The following PRKN variants were observed in gnomAD, a reference collection of about 807,000 sequenced individuals.
PRKN encodes the protein parkin RBR E3 ubiquitin protein ligase, also known as E3 ubiquitin-protein ligase parkin.
A neutral mutation model predicts 59.5 loss-of-function variants in PRKN; 56 were observed. That is an observed-to-expected ratio of 0.94 (90% CI 0.76 to 1.18). The LOEUF (loss-of-function observed/expected upper bound fraction) is 1.18. PRKN is among the 50% of genes most tolerant of loss of function. The pLI is 0.00. For synonymous variants in PRKN, 250 were observed against 222.1 expected (o/e 1.13, Z -1.12); for missense variants, 657 against 596.4 (o/e 1.10, Z -1.06).
chr6:161,795,301 C>T (rs1790799755), intron 6 of PRKN, among the ~76,000 whole-genome samples: 1 of 149,244 alleles, frequency 6.7e-6, no homozygotes, highest in Admixed American at 6.7e-5. Flanking sequence ...GGCGCAATCT[C>T]GGCTCACTGT....
rs1782708640 is a variant in PRKN, at chr6:162,622,313, T to TG, written c.7+105348_7+105349insC. Among the ~76,000 whole-genome samples, 7 of 151,184 alleles carry TG rather than the reference T, an allele frequency of 4.6e-5. No individual in the cohort carries two copies. In the South Asian group the frequency reaches 1.5e-3, roughly 32 times the overall value. ...TCTGTTTTTTTTTTTGTTTTGTTTTTTTTTGGTAGCAGAGTCTCGCTCTGC... is the reference window on the plus strand; with the variant it reads ...TCTGTTTTTTTTTTTGTTTTGTTTTTGTTTTGGTAGCAGAGTCTCGCTCTGC... On this transcript the variant is annotated intron_variant, in intron 1 of 11. Coordinates refer to ENST00000366898, the MANE Select transcript of PRKN (RefSeq NM_004562.3).
intron 2 of PRKN, among the ~76,000 whole-genome samples, chr6:162,275,981 C>T (rs1780620244): frequency 6.6e-6 from 1 of 152,154 alleles, no homozygotes; most frequent in Admixed American, 6.5e-5. Context: ...GCTTTGAACA[C>T]TTTTTGTTCT....
chr6:161,638,941 C>A (rs898222441), intron 7 of PRKN, among the ~76,000 whole-genome samples: 3 of 151,914 alleles, frequency 2.0e-5, no homozygotes, highest in Middle Eastern at 3.4e-3. Context: ...GGGGTTTCAC[C>A]ATGTTGGCTG....
At chr6:162,263,407 C>G (rs1779984258) in intron 2 of PRKN, 1 of 164,198 alleles carries the variant, frequency 6.1e-6, no homozygotes, top group African/African-American at 2.4e-5. Flanking sequence ...CACACCGCTC[C>G]ACGGGCACCA....
At chr6:162,487,453 C>T (rs1792598570) in intron 1 of PRKN, among the ~76,000 whole-genome samples, 1 of 152,178 alleles carries the variant, frequency 6.6e-6, no homozygotes, top group Non-Finnish European at 1.5e-5. Context: ...TGGCAGGACA[C>T]ATTTGTGGTG....
intron 6 of PRKN, among the ~76,000 whole-genome samples, chr6:161,861,235 T>G (rs1583261491): frequency 6.6e-6 from 1 of 152,322 alleles, no homozygotes; most frequent in South Asian, 2.1e-4. Context: ...CATGGAATAC[T>G]ATGCAGCCAT....
At chr6:162,244,159 G>C (rs969583534) in intron 3 of PRKN, among the ~76,000 whole-genome samples, 1 of 152,082 alleles carries the variant, frequency 6.6e-6, no homozygotes, top group Non-Finnish European at 1.5e-5. Flanking sequence ...GCAGCTAAGT[G>C]GTTACGAATA....
At chr6:162,416,060 A>G (rs1788615904) in intron 2 of PRKN, among the ~76,000 whole-genome samples, 2 of 152,236 alleles carry the variant, frequency 1.3e-5, no homozygotes, top group Middle Eastern at 3.4e-3. Context: ...TGGCTCCACT[A>G]CTTTCCAATA....
intron 6 of PRKN, among the ~76,000 whole-genome samples, chr6:161,861,547 C>G (rs1793898688): frequency 6.7e-6 from 1 of 149,420 alleles, no homozygotes; most frequent in Non-Finnish European, 1.5e-5. Context: ...ACCTATGTAA[C>G]AAACCTGCAC....
chr6:161,967,666 A>G (rs1780632661), intron 6 of PRKN, among the ~76,000 whole-genome samples: 2 of 152,232 alleles, frequency 1.3e-5, no homozygotes, highest in South Asian at 4.1e-4. Context: ...TGACTGAGGC[A>G]GAAGGCTCCG....
At chr6:162,290,985 G>A (rs571540589) in intron 2 of PRKN, among the ~76,000 whole-genome samples, 5 of 152,264 alleles carry the variant, frequency 3.3e-5, no homozygotes, top group South Asian at 2.1e-4. Flanking sequence ...TATGTTCTCC[G>A]AAGTTCTGAG....
chr6:162,000,350 T>C (rs1407307767), intron 5 of PRKN, among the ~76,000 whole-genome samples: 1 of 152,090 alleles, frequency 6.6e-6, no homozygotes, highest in African/African-American at 2.4e-5. Context: ...AATAGATGTG[T>C]ACTGGTATCT....
At chr6:162,463,871 T>C (rs926123349) in intron 1 of PRKN, among the ~76,000 whole-genome samples, 6 of 152,214 alleles carry the variant, frequency 3.9e-5, no homozygotes, top group Non-Finnish European at 7.3e-5. Context: ...CCTGACACTG[T>C]CTATCATTTC....
intron 1 of PRKN, among the ~76,000 whole-genome samples, chr6:162,547,480 G>A (rs759191209): frequency 3.2e-4 from 49 of 152,156 alleles, no homozygotes; most frequent in African/African-American, 1.1e-3. Flanking sequence ...ACAAAAACCC[G>A]TCGATTGAAG....
At chr6:162,142,947 A>T (rs1320188256) in intron 4 of PRKN, among the ~76,000 whole-genome samples, 1 of 152,258 alleles carries the variant, frequency 6.6e-6, no homozygotes, top group African/African-American at 2.4e-5. Context: ...CTAATTAATT[A>T]GCCTTTGGAC....
At chr6:162,313,945 T>C (rs1428672090) in intron 2 of PRKN, among the ~76,000 whole-genome samples, 1 of 152,198 alleles carries the variant, frequency 6.6e-6, no homozygotes, top group African/African-American at 2.4e-5. Flanking sequence ...TTGTTTGTTT[T>C]AAATTTTTGA....
At chr6:162,290,025 T>C (rs1192950076) in intron 2 of PRKN, among the ~76,000 whole-genome samples, 1 of 152,178 alleles carries the variant, frequency 6.6e-6, no homozygotes, top group East Asian at 1.9e-4. Context: ...AGAGAAAGTT[T>C]CATTTCAGCT....
At chr6:162,180,693 G>C (rs923904964) in intron 4 of PRKN, among the ~76,000 whole-genome samples, 6 of 152,120 alleles carry the variant, frequency 3.9e-5, no homozygotes, top group Non-Finnish European at 7.3e-5. Flanking sequence ...GTTCCAATCA[G>C]GTAGTTTTCA....
intron 2 of PRKN, among the ~76,000 whole-genome samples, chr6:162,409,681 T>A (rs574870858): frequency 6.8e-4 from 103 of 152,310 alleles, no homozygotes; most frequent in African/African-American, 2.4e-3. Context: ...AAATTTAATA[T>A]TTACCTCTTT....
Sources: gnomAD v4.1 joint callset for allele counts (sites outside exome capture counted in the v4.1 genomes callset) on GRCh38, gnomAD v4.1.1 for gene constraint, MANE v1.5 for transcripts, NCBI Gene and HGNC (gene_info 2026-07-23, HGNC 2026-07-21) for gene names.